Variants in BCO1 observed in about 807,000 individuals in gnomAD.
BCO1 encodes the protein beta-carotene oxygenase 1.
BCO1 carries 54 observed loss-of-function variants against 56.3 expected under a neutral mutation model. The observed-to-expected ratio is 0.96, with a 90% confidence interval of 0.77 to 1.20. The LOEUF (loss-of-function observed/expected upper bound fraction) is 1.20, where lower values mean the gene tolerates loss of function less well. Among genes scored for constraint, BCO1 ranks in the 50% most tolerant of loss-of-function variants. The pLI, the probability that BCO1 is intolerant of heterozygous loss-of-function variation, is 0.00. For synonymous variants in BCO1, 318 were observed against 266.1 expected (o/e 1.20, Z -1.90); for missense variants, 801 against 690.9 (o/e 1.16, Z -1.79).
At chr16:81,251,376 T>C (rs1367173356) in intron 2 of BCO1, among the ~76,000 whole-genome samples, 1 of 151,692 alleles carries the variant, frequency 6.6e-6, no homozygotes, top group African/African-American at 2.4e-5. Context: ...CTGGGTAACA[T>C]AGTGAGACCT....
chr16:81,283,956 C>T (rs1197796742), intron 8 of BCO1, among the ~76,000 whole-genome samples: 8 of 151,308 alleles, frequency 5.3e-5, no homozygotes, highest in African/African-American at 9.7e-5. Context: ...GAAGCTGAGA[C>T]GGGCGGATCA....
At chr16:81,251,614 AG>A (rs1404802284) in intron 2 of BCO1, among the ~76,000 whole-genome samples, 1 of 152,022 alleles carries the variant, frequency 6.6e-6, no homozygotes, top group Non-Finnish European at 1.5e-5. Context: ...GAACAAAAAA[AG>A]CAGAGTACAG....
At chr16:81,270,594 A>G (rs1907134214) in intron 7 of BCO1, among the ~76,000 whole-genome samples, 178 bp downstream of exon 7, 1 of 151,820 alleles carries the variant, frequency 6.6e-6, no homozygotes, top group African/African-American at 2.4e-5. Flanking sequence ...TTTAGAAAAT[A>G]TAGATAAGTA....
chr16:81,279,626 A>T (rs574190693), intron 7 of BCO1, among the ~76,000 whole-genome samples: 13 of 152,294 alleles, frequency 8.5e-5, no homozygotes, highest in Admixed American at 3.9e-4. Context: ...CACATAAGGA[A>T]ACGGAACTAT....
In BCO1 at chr16:81,287,355, C is replaced by T. The variant is rs1908241769; in HGVS notation, c.1363C>T (p.Pro455Ser). The change falls in exon 10 of 11, where the codon CCA (proline) becomes TCA (serine). Residue 455 changes from proline to serine, a missense_variant. Coordinates refer to ENST00000258168, the MANE Select transcript of BCO1 (RefSeq NM_017429.3). The stretch of plus-strand genomic sequence containing the variant: ...AAAATGGAGAGAGGACGACTGCTGG[C>T]CAGCGGAACCCCTGTTTGTGCCCGC... The part of the protein sequence containing the change: ...SLKWREDDCW[P>S]AEPLFVPAPG... 4 of 1,614,076 alleles carry T rather than the reference C, an allele frequency of 2.5e-6. No individual in the cohort carries two copies. Among genetic ancestry groups the T allele is most frequent in the Non-Finnish European group, 3.4e-6 (4 of 1,179,990 alleles).
intron 7 of BCO1, among the ~76,000 whole-genome samples, chr16:81,275,316 C>A (rs1327740016): frequency 6.6e-6 from 1 of 152,220 alleles, no homozygotes; most frequent in African/African-American, 2.4e-5. Flanking sequence ...AGCCCTGAGA[C>A]CCCCATGTCC....
intron 1 of BCO1, 34 bp downstream of exon 1, chr16:81,239,006 C>T (rs1489393978): frequency 1.9e-6 from 3 of 1,559,052 alleles, no homozygotes; most frequent in African/African-American, 2.8e-5. Flanking sequence ...GCTCTTTCTT[C>T]TATTTATTTT....
At chr16:81,268,474 T>A (rs1312044825) in intron 6 of BCO1, among the ~76,000 whole-genome samples, 1 of 152,186 alleles carries the variant, frequency 6.6e-6, no homozygotes, top group Non-Finnish European at 1.5e-5. Flanking sequence ...ACCTCCGCCC[T>A]GTTGACAAGA....
rs4889295 is a variant in BCO1 at position 81,270,692 on chromosome 16, C to G, written c.1101+276C>G. On this transcript the variant is annotated intron_variant, in intron 7 of 10. Transcript: ENST00000258168. The stretch of plus-strand genomic sequence containing the variant: ...TGTCTCCCAGTCTCTCTCTCTGTGT[C>G]TGTGTGTGTGTGTGTGTGTGTGTGT... Among the ~76,000 whole-genome samples the G allele has an allele frequency of 9.9e-3, 1,425 of 143,774 alleles. 40 individuals are homozygous for G. The highest frequency in any genetic ancestry group is 0.062 in the South Asian group (270 of 4,374). 94.3% of individuals were successfully genotyped at this position (143,774 alleles called of 152,430 possible). A position where few individuals can be genotyped will look rare whatever the true frequency, so the allele number is the denominator to read the frequency against.
At chr16:81,286,884 C>T (rs528719359) in intron 9 of BCO1, among the ~76,000 whole-genome samples, 2 of 151,648 alleles carry the variant, frequency 1.3e-5, no homozygotes, top group Admixed American at 6.6e-5. Flanking sequence ...CAAGACCAAC[C>T]TGGCTATGGT....
intron 1 of BCO1, among the ~76,000 whole-genome samples, chr16:81,244,141 G>A (rs923552171): frequency 1.3e-5 from 2 of 152,246 alleles, no homozygotes; most frequent in Non-Finnish European, 2.9e-5. Context: ...ACTCAGGCAG[G>A]GAGCTGCAGG....
chr16:81,264,685 C>T lies in BCO1; in HGVS notation c.517C>T (p.Pro173Ser). 2 of 1,614,114 alleles carry T rather than the reference C, an allele frequency of 1.2e-6. No homozygotes were observed. Among genetic ancestry groups the T allele is most frequent in the African/African-American group, 2.7e-5 (2 of 75,030 alleles). Residue 173 changes from proline to serine, a missense_variant, in exon 5 of 11, where the codon CCC (proline) becomes TCC (serine). Pro to Ser is a moderately conservative substitution (Grantham distance 74, BLOSUM62 -1). Coordinates refer to ENST00000258168, the MANE Select transcript of BCO1 (RefSeq NM_017429.3). ...GGCGGTAAATCTGGCAACGTCACAT[C>T]CCCATTATGATGAGGCTGGAAATGT... ...YVAVNLATSH[P>S]HYDEAGNVLN... is the part of the protein sequence containing the mutation.
At chr16:81,268,358 C>T (rs57492202) in intron 6 of BCO1, among the ~76,000 whole-genome samples, 3,563 of 152,272 alleles carry the variant, frequency 0.023, 198 homozygotes, top group East Asian at 0.21. Context: ...GCTGTCCAGG[C>T]AAGGGGGTGC....
chr16:81,242,978 C>T (rs1331716780), intron 1 of BCO1, among the ~76,000 whole-genome samples: 1 of 152,130 alleles, frequency 6.6e-6, no homozygotes, highest in East Asian at 1.9e-4. Flanking sequence ...TTATCTTCCA[C>T]AAAACCAGTC....
At chr16:81,287,716 CTAAAAT>C (rs1372457175) in intron 10 of BCO1, among the ~76,000 whole-genome samples, 2 of 152,136 alleles carry the variant, frequency 1.3e-5, no homozygotes, top group Admixed American at 1.3e-4. Flanking sequence ...AAGATACAGA[CTAAAAT>C]TAGCACAGGG....
At chr16:81,272,361 G>T (rs551613043) in intron 7 of BCO1, among the ~76,000 whole-genome samples, 1 of 151,494 alleles carries the variant, frequency 6.6e-6, no homozygotes, top group Non-Finnish European at 1.5e-5. Context: ...CTCATGATCC[G>T]CCCGCCTTGG....
rs951858024 is a variant in BCO1, at chr16:81,238,836, G to A, written c.-73G>A. The stretch of plus-strand genomic sequence containing the variant: ...AGCAGGAAGGAAACGCAGGAGGAGG[G>A]AGCAGCATCTCCTGTGAACACAGAG... On this transcript the variant is annotated 5_prime_UTR_variant, in exon 1 of 11. Coordinates refer to ENST00000258168, the MANE Select transcript of BCO1 (RefSeq NM_017429.3). 4 of 1,298,346 alleles carry A rather than the reference G, an allele frequency of 3.1e-6. No homozygotes were observed. The highest frequency in any genetic ancestry group is 4.5e-6 in the Non-Finnish European group (4 of 892,930). 80.4% of individuals were successfully genotyped at this position (1,298,346 alleles called of 1,614,324 possible). A position where few individuals can be genotyped will look rare whatever the true frequency, so the allele number is the denominator to read the frequency against.
At chr16:81,247,705 T>C (rs1228066943) in intron 2 of BCO1, among the ~76,000 whole-genome samples, 2 of 151,930 alleles carry the variant, frequency 1.3e-5, no homozygotes, top group Non-Finnish European at 2.9e-5. Flanking sequence ...TTTGTATTTT[T>C]AGTACAGATG....
chr16:81,252,649 G>C (rs1905880099), intron 2 of BCO1, among the ~76,000 whole-genome samples: 1 of 152,200 alleles, frequency 6.6e-6, no homozygotes, highest in African/African-American at 2.4e-5. Flanking sequence ...ACCAGTGAAA[G>C]ACAGGCTGGC....
Sources: gnomAD v4.1 joint callset for allele counts (sites outside exome capture counted in the v4.1 genomes callset) on GRCh38, gnomAD v4.1.1 for gene constraint, MANE v1.5 for transcripts, NCBI Gene and HGNC (gene_info 2026-07-23, HGNC 2026-07-21) for gene names.